Variants in ZNF345 observed in about 807,000 individuals in gnomAD.
ZNF345 encodes zinc finger protein 345.
For synonymous variants in ZNF345, 166 were observed against 187.9 expected (o/e 0.88, Z 0.95); for missense variants, 527 against 589.9 (o/e 0.89, Z 1.10).
chr19:36,882,013 C>T (rs1454650490), downstream of ZNF345, among the ~76,000 whole-genome samples: 2 of 149,816 alleles, frequency 1.3e-5, no homozygotes, highest in African/African-American at 4.9e-5. Context: ...CACTTTATTC[C>T]TCTAAATTGA....
chr19:36,872,146 A>C (rs1440169669), intron 2 of ZNF345, among the ~76,000 whole-genome samples: 1 of 152,188 alleles, frequency 6.6e-6, no homozygotes, highest in Non-Finnish European at 1.5e-5. Flanking sequence ...TATTTGTCTC[A>C]TGGCTTTCTC....
At chr19:36,890,418 T>A (rs1175063740) in intron 3 of ZNF345, 13 of 152,266 alleles carry the variant, frequency 8.5e-5, no homozygotes, top group Admixed American at 8.5e-4. Flanking sequence ...GGTCTAGTAG[T>A]ATCTGTGTTA....
downstream of ZNF345, among the ~76,000 whole-genome samples, chr19:36,879,854 T>C (rs1367690992): frequency 2.0e-5 from 3 of 152,218 alleles, no homozygotes; most frequent in Non-Finnish European, 4.4e-5. Flanking sequence ...GCCTATCACA[T>C]AATAAATGCT....
chr19:36,864,699 G>A (rs1200998249), intron 2 of ZNF345, among the ~76,000 whole-genome samples: 2 of 151,972 alleles, frequency 1.3e-5, no homozygotes, highest in South Asian at 2.1e-4. Flanking sequence ...CAAGTGAGAC[G>A]GTGAGAAGCA....
chr19:36,891,345 G>C lies in ZNF345; in HGVS notation c.47-1473G>C, dbSNP rs369553500. The stretch of plus-strand genomic sequence containing the variant: ...ATTTCTCTTGTTTTAAGCCACCAAG[G>C]TTTTGGTACTTGGTACTTTGTTATC... On this transcript the variant is annotated intron_variant, in intron 3 of 3. Coordinates refer to the ZNF345 transcript ENST00000526123. 12 of 760,056 alleles carry C rather than the reference G, an allele frequency of 1.6e-5. No individual in the cohort carries two copies. In the South Asian group the frequency reaches 1.6e-4, roughly 10 times the overall value. 47.1% of individuals were successfully genotyped at this position (760,056 alleles called of 1,614,324 possible). A position where few individuals can be genotyped will look rare whatever the true frequency, so the allele number is the denominator to read the frequency against.
At chr19:36,857,998 T>C (rs1324375245) in intron 2 of ZNF345, among the ~76,000 whole-genome samples, 4 of 151,332 alleles carry the variant, frequency 2.6e-5, no homozygotes, top group Non-Finnish European at 5.9e-5. Context: ...CAGGCTGGTC[T>C]CAAACTCCTG....
intron 2 of ZNF345, among the ~76,000 whole-genome samples, chr19:36,854,940 AC>A (rs1475060182): frequency 7.0e-6 from 1 of 143,546 alleles, no homozygotes. Context: ...TGTAAGCTCC[AC>A]CTCCTGGGTT....
At chr19:36,887,961 T>C (rs764385982) in intron 3 of ZNF345, among the ~76,000 whole-genome samples, 7 of 152,144 alleles carry the variant, frequency 4.6e-5, no homozygotes, top group Non-Finnish European at 7.3e-5. Flanking sequence ...TTTTACTACA[T>C]GTGAAAAAGA....
At chr19:36,882,372 A>AT (rs1170827465), downstream of ZNF345, among the ~76,000 whole-genome samples, 1 of 151,884 alleles carries the variant, frequency 6.6e-6, no homozygotes, top group African/African-American at 2.4e-5. Flanking sequence ...GGTTCAAGTG[A>AT]TTCTCCTGCC....
intron 3 of ZNF345, among the ~76,000 whole-genome samples, chr19:36,886,539 T>A (rs887090238): frequency 2.0e-5 from 3 of 152,102 alleles, no homozygotes; most frequent in African/African-American, 7.2e-5. Context: ...TCAAAATAGT[T>A]AAGGTCATTT....
chr19:36,878,399 C>T lies in ZNF345; in HGVS notation c.*102C>T. On this transcript the variant is annotated 3_prime_UTR_variant, in exon 3 of 3. Coordinates refer to ENST00000420450, the MANE Select transcript of ZNF345 (RefSeq NM_001242472.2). ...CTAAGGTACAAATGCCTTACTTATG[C>T]TTCACAGGTTAGTCAGTCTAAGAAT... 1 of 1,112,278 alleles carries T rather than the reference C, an allele frequency of 9.0e-7. No individual in the cohort carries two copies. Among genetic ancestry groups the T allele is most frequent in the Non-Finnish European group, 1.3e-6 (1 of 787,670 alleles). 68.9% of individuals were successfully genotyped at this position (1,112,278 alleles called of 1,614,324 possible).
In ZNF345 at chr19:36,869,294, C is replaced by G. The variant is rs571559042; in HGVS notation, c.-46-7491C>G. Among the ~76,000 whole-genome samples, 4 of 151,578 alleles carry G rather than the reference C, an allele frequency of 2.6e-5. No homozygotes were observed. In the South Asian group the frequency reaches 6.2e-4, roughly 24 times the overall value. On this transcript the variant is annotated intron_variant, in intron 2 of 2. Coordinates refer to ENST00000420450, the MANE Select transcript of ZNF345 (RefSeq NM_001242472.2). ...GAAAGATAAGGATACAAATTAGGAACAGCACAGTAAAGAGACACATAGAGC... is the reference window on the plus strand; with the variant it reads ...GAAAGATAAGGATACAAATTAGGAAGAGCACAGTAAAGAGACACATAGAGC...
At chr19:36,863,157 T>A (rs1375754702) in intron 2 of ZNF345, 3 of 152,262 alleles carry the variant, frequency 2.0e-5, no homozygotes, top group African/African-American at 7.2e-5. Context: ...ATACGGTGAG[T>A]TATTTCCTCC....
At position 36,855,058 on chromosome 19, in the gene ZNF345, A is replaced by G. The variant is rs1351925261; in HGVS notation, c.-47+3154A>G. Among the ~76,000 whole-genome samples, 5 of 147,984 alleles carry G rather than the reference A, an allele frequency of 3.4e-5. No individual in the cohort carries two copies. In the East Asian group the frequency reaches 1.0e-3, roughly 30 times the overall value. ...AGTAGAGACGGGGTTTCACTGTGTT[A>G]GCCAGGATGGTCTCGATCTCCTGAC... is the stretch of plus-strand genomic sequence containing the variant. On this transcript the variant is annotated intron_variant, in intron 2 of 2. Transcript: ENST00000420450.
At chr19:36,862,732 C>A (rs925612598) in intron 2 of ZNF345, among the ~76,000 whole-genome samples, 1 of 151,402 alleles carries the variant, frequency 6.6e-6, no homozygotes, top group Non-Finnish European at 1.5e-5. Context: ...CATCACTCTG[C>A]TCCCACAACC....
chr19:36,884,374 T>C (rs1355399553), downstream of ZNF345, among the ~76,000 whole-genome samples: 3 of 152,062 alleles, frequency 2.0e-5, no homozygotes, highest in African/African-American at 7.2e-5. Context: ...TACAACCTTA[T>C]TATAGTGAAA....
chr19:36,874,780 A>AAAAT (rs1002015013), intron 2 of ZNF345, among the ~76,000 whole-genome samples: 8 of 152,116 alleles, frequency 5.3e-5, no homozygotes, highest in African/African-American at 1.4e-4. Flanking sequence ...ACTCCATCTC[A>AAAAT]AAATAAATAA....
chr19:36,874,599 A>G (rs140994806), intron 2 of ZNF345, among the ~76,000 whole-genome samples: 3,392 of 151,882 alleles, frequency 0.022, 116 homozygotes, highest in African/African-American at 0.061. Flanking sequence ...TGACCAACAT[A>G]GAGAAACCCT....
chr19:36,892,580 G>A, intron 3 of ZNF345: 1 of 1,195,198 alleles, frequency 8.4e-7, no homozygotes. Flanking sequence ...AAATTACACA[G>A]TTTTCAAAGG....
Sources: gnomAD v4.1 joint callset for allele counts (sites outside exome capture counted in the v4.1 genomes callset) on GRCh38, gnomAD v4.1.1 for gene constraint, MANE v1.5 for transcripts, NCBI Gene and HGNC (gene_info 2026-07-23, HGNC 2026-07-21) for gene names.